Variants in LHFPL3 observed in about 807,000 individuals in gnomAD.
LHFPL3 encodes the protein LHFPL tetraspan subfamily member 3 protein.
Under a neutral mutation model 19.3 loss-of-function variants are expected in LHFPL3, and 5 were observed. The ratio of observed to expected loss-of-function variants is 0.26; its 90% CI spans 0.14 to 0.54. LHFPL3 has a LOEUF of 0.54. Among genes scored for constraint, LHFPL3 ranks in the 20% least tolerant of loss-of-function variants. The pLI is 0.94. For missense variants in LHFPL3, 249 were observed against 307.4 expected, an observed-to-expected ratio of 0.81 and a Z score of 1.42; for synonymous variants, 133 against 126.2, an observed-to-expected ratio of 1.05 and a Z score of -0.36.
At chr7:104,843,303 T>A (rs1210297088) in intron 2 of LHFPL3, among the ~76,000 whole-genome samples, 1 of 152,212 alleles carries the variant, frequency 6.6e-6, no homozygotes, top group Non-Finnish European at 1.5e-5. Flanking sequence ...CACGTCAGTG[T>A]GGGACCACAG....
intron 1 of LHFPL3, among the ~76,000 whole-genome samples, chr7:104,420,279 A>G (rs1791701863): frequency 6.6e-6 from 1 of 152,250 alleles, no homozygotes; most frequent in Non-Finnish European, 1.5e-5. Context: ...TTGGGTCAAT[A>G]TAGTGTCCAT....
intron 1 of LHFPL3, among the ~76,000 whole-genome samples, chr7:104,537,426 C>T (rs996265728): frequency 2.0e-5 from 3 of 152,118 alleles, no homozygotes; most frequent in South Asian, 2.1e-4. Context: ...GTTAGGCAAC[C>T]TTGGTTTTGT....
intron 2 of LHFPL3, among the ~76,000 whole-genome samples, chr7:104,747,306 T>C (rs1256998850): frequency 6.6e-6 from 1 of 152,208 alleles, no homozygotes; most frequent in East Asian, 1.9e-4. Context: ...CTCGTTGTAT[T>C]GATAGACAGA....
In LHFPL3 at chr7:104,430,941, G is replaced by A. The variant is rs1791991583; in HGVS notation, c.445+101717G>A. 3.3e-5 allele frequency among the ~76,000 whole-genome samples: 5 copies of A among 151,948 alleles called. 1 individual carries two copies. Among genetic ancestry groups the A allele is most frequent in the Admixed American group, 3.3e-4 (5 of 15,258 alleles). ...TTATCCTAATTTGCAAAACAGATTTGAGGTGGTTTTGAAATACATACAGAC... is the reference window on the plus strand; with the variant it reads ...TTATCCTAATTTGCAAAACAGATTTAAGGTGGTTTTGAAATACATACAGAC... On this transcript the variant is annotated intron_variant, in intron 1 of 2. Coordinates refer to ENST00000424859, the MANE Select transcript of LHFPL3 (RefSeq NM_199000.3).
At chr7:104,359,190 A>G (rs1790342538) in intron 1 of LHFPL3, among the ~76,000 whole-genome samples, 1 of 152,198 alleles carries the variant, frequency 6.6e-6, no homozygotes, top group Admixed American at 6.5e-5. Context: ...TGCCCTCAAT[A>G]CAGAGATTTC....
intron 1 of LHFPL3, among the ~76,000 whole-genome samples, chr7:104,408,773 G>A (rs182449443): frequency 2.0e-5 from 3 of 152,140 alleles, no homozygotes; most frequent in Admixed American, 6.5e-5. Context: ...ATTGGAATGA[G>A]TACCGTGATA....
intron 1 of LHFPL3, among the ~76,000 whole-genome samples, chr7:104,736,279 A>G (rs1793815838): frequency 6.6e-6 from 1 of 152,212 alleles, no homozygotes; most frequent in Non-Finnish European, 1.5e-5. Context: ...ATAGCTCCTC[A>G]AATCCAGCCT....
intron 1 of LHFPL3, among the ~76,000 whole-genome samples, chr7:104,562,995 G>C (rs941727223): frequency 3.9e-5 from 6 of 152,174 alleles, no homozygotes; most frequent in Non-Finnish European, 7.3e-5. Context: ...AGGCTGCTCG[G>C]GGGTCAGGGG....
At chr7:104,526,143 C>CT (rs1297509645) in intron 1 of LHFPL3, among the ~76,000 whole-genome samples, 2 of 152,138 alleles carry the variant, frequency 1.3e-5, no homozygotes, top group Non-Finnish European at 2.9e-5. Flanking sequence ...TTTCTCACCC[C>CT]TTATGGTGCA....
intron 2 of LHFPL3, among the ~76,000 whole-genome samples, chr7:104,808,886 G>C (rs1399498185): frequency 7.4e-6 from 1 of 135,664 alleles, no homozygotes; most frequent in South Asian, 2.3e-4. Flanking sequence ...ATAGATGATA[G>C]ATCCTTTTTT....
At chr7:104,473,338 A>G (rs937273652) in intron 1 of LHFPL3, among the ~76,000 whole-genome samples, 7 of 152,238 alleles carry the variant, frequency 4.6e-5, no homozygotes, top group African/African-American at 1.4e-4. Flanking sequence ...TGACTTCTCA[A>G]TAGAACACCT....
intron 1 of LHFPL3, among the ~76,000 whole-genome samples, chr7:104,435,001 G>A (rs1014424948): frequency 1.3e-5 from 2 of 151,966 alleles, no homozygotes; most frequent in Non-Finnish European, 2.9e-5. Context: ...TGTTTTGTTT[G>A]CATCTGGAAT....
At chr7:104,479,829 G>T (rs1377907201) in intron 1 of LHFPL3, among the ~76,000 whole-genome samples, 1 of 152,154 alleles carries the variant, frequency 6.6e-6, no homozygotes, top group Admixed American at 6.6e-5. Context: ...ACCTCATAGT[G>T]GTACTTACTG....
At position 104,328,746 on chromosome 7, in the gene LHFPL3, C is replaced by CAGG. The variant is rs71794813; in HGVS notation, c.-9_-7dup. The CAGG allele has an allele frequency of 6.0e-3, 8,996 of 1,489,640 alleles. 104 individuals carry two copies. The highest frequency in any genetic ancestry group is 0.059 in the African/African-American group (4,226 of 71,060). 92.3% of individuals were successfully genotyped at this position (1,489,640 alleles called of 1,614,324 possible). ...TGAGAGGCGGGGGGAGGCGGAGGAC[C>CAGG]AGGAGGAGGAGGAGGAGGAGGAGGA... On this transcript the variant is annotated 5_prime_UTR_variant, in exon 1 of 3. Transcript: ENST00000424859. The surrounding 1 kb of genome is among the most constrained non-coding windows in gnomAD (Gnocchi z 4.6).
chr7:104,565,206 G>GA (rs1342689277), intron 1 of LHFPL3, among the ~76,000 whole-genome samples: 5 of 152,176 alleles, frequency 3.3e-5, no homozygotes, highest in Non-Finnish European at 7.4e-5. Context: ...CAGATTTACT[G>GA]AAAAATATTA....
chr7:104,792,311 C>A (rs775916345), intron 2 of LHFPL3, among the ~76,000 whole-genome samples: 26 of 152,162 alleles, frequency 1.7e-4, no homozygotes, highest in Non-Finnish European at 2.8e-4. Context: ...AAATTCCAAG[C>A]AAACTCCTTT....
At chr7:104,832,124 T>C (rs899938326) in intron 2 of LHFPL3, among the ~76,000 whole-genome samples, 1 of 151,984 alleles carries the variant, frequency 6.6e-6, no homozygotes, top group Non-Finnish European at 1.5e-5. Context: ...AGCATTAGCC[T>C]TTGTTCTTTT....
intron 2 of LHFPL3, among the ~76,000 whole-genome samples, chr7:104,771,915 G>A (rs894246832): frequency 9.1e-5 from 13 of 142,526 alleles, no homozygotes; most frequent in Non-Finnish European, 1.7e-4. Context: ...TCTGCCTCCC[G>A]GGTTCAAGCG....
chr7:104,672,713 C>G (rs1299293031), intron 1 of LHFPL3, among the ~76,000 whole-genome samples: 3 of 152,196 alleles, frequency 2.0e-5, no homozygotes, highest in African/African-American at 7.2e-5. Context: ...ACAACTTAAT[C>G]TAGCCTTGGC....
Sources: allele counts gnomAD v4.1 joint callset (sites outside exome capture counted in the v4.1 genomes callset), GRCh38; gene constraint gnomAD v4.1.1; non-coding constraint Gnocchi (gnomAD v3.1); transcripts MANE v1.5; gene names NCBI Gene and HGNC (gene_info 2026-07-23, HGNC 2026-07-21).